The following MGAT4C variants were observed in gnomAD, a reference collection of about 807,000 sequenced individuals.
The protein encoded by MGAT4C is MGAT4 family member C.
MGAT4C carries 19 observed loss-of-function variants against 40.1 expected under a neutral mutation model. That is an observed-to-expected ratio of 0.47 (90% CI 0.33 to 0.70). The LOEUF (loss-of-function observed/expected upper bound fraction) is 0.70, where lower values mean the gene tolerates loss of function less well. Among genes scored for constraint, MGAT4C ranks in the 30% least tolerant of loss-of-function variants. The pLI is 0.02. For missense variants in MGAT4C, 491 were observed against 563.2 expected, an observed-to-expected ratio of 0.87 and a Z score of 1.30; for synonymous variants, 181 against 187.1, an observed-to-expected ratio of 0.97 and a Z score of 0.27.
At chr12:86,415,988 G>C (rs747536073) in intron 3 of MGAT4C, among the ~76,000 whole-genome samples, 14 of 151,980 alleles carry the variant, frequency 9.2e-5, no homozygotes, top group African/African-American at 3.1e-4. Context: ...AGCCTAGAAA[G>C]AGAATGTCAT....
intron 1 of MGAT4C, among the ~76,000 whole-genome samples, chr12:86,158,035 G>T (rs528125021): frequency 9.9e-5 from 15 of 152,170 alleles, no homozygotes; most frequent in African/African-American, 3.1e-4. Flanking sequence ...AAATCATATT[G>T]CCCAAATGAA....
intron 2 of MGAT4C, among the ~76,000 whole-genome samples, chr12:86,012,619 G>T (rs1888578822): frequency 6.6e-6 from 1 of 152,128 alleles, no homozygotes; most frequent in Non-Finnish European, 1.5e-5. Flanking sequence ...AGGAGTGGTG[G>T]TGGGCGCCTG....
chr12:86,801,372 A>C (rs569530961), intron 1 of MGAT4C, among the ~76,000 whole-genome samples: 2 of 152,010 alleles, frequency 1.3e-5, no homozygotes, highest in African/African-American at 4.8e-5. Context: ...TTACCAATGT[A>C]TGGACTGAAT....
chr12:86,369,547 A>C (rs1320257942), intron 3 of MGAT4C, among the ~76,000 whole-genome samples: 3 of 151,992 alleles, frequency 2.0e-5, no homozygotes, highest in African/African-American at 4.8e-5. Context: ...AAAATTGCTT[A>C]TAGTTATAAC....
At chr12:86,589,936 C>A (rs2136446929) in intron 2 of MGAT4C, among the ~76,000 whole-genome samples, 1 of 151,994 alleles carries the variant, frequency 6.6e-6, no homozygotes, top group East Asian at 1.9e-4. Context: ...TTCTGCGTTT[C>A]ATTATTCAAA....
At chr12:86,465,103 G>A (rs1957660807) in intron 2 of MGAT4C, among the ~76,000 whole-genome samples, 2 of 151,994 alleles carry the variant, frequency 1.3e-5, no homozygotes, top group Admixed American at 1.3e-4. Flanking sequence ...TTCTGTTTTA[G>A]TGGCCTGTAC....
intron 2 of MGAT4C, among the ~76,000 whole-genome samples, chr12:86,611,192 T>A (rs75397764): frequency 6.6e-6 from 1 of 151,874 alleles, no homozygotes; most frequent in African/African-American, 2.4e-5. Flanking sequence ...TACAAAAATT[T>A]TAAAGGATAG....
chr12:86,561,728 A>G (rs1959871969), intron 2 of MGAT4C, among the ~76,000 whole-genome samples: 1 of 152,182 alleles, frequency 6.6e-6, no homozygotes, highest in Non-Finnish European at 1.5e-5. Context: ...ATGCTCCTCA[A>G]TAAATTCCCC....
At chr12:86,606,506 A>G (rs1962052002) in intron 2 of MGAT4C, among the ~76,000 whole-genome samples, 1 of 152,150 alleles carries the variant, frequency 6.6e-6, no homozygotes, top group Non-Finnish European at 1.5e-5. Flanking sequence ...ATAAAGTACC[A>G]GACATTTGGG....
chr12:86,244,988 A>G (rs547427499), intron 1 of MGAT4C, among the ~76,000 whole-genome samples: 4 of 152,276 alleles, frequency 2.6e-5, no homozygotes, highest in African/African-American at 9.6e-5. Flanking sequence ...CCCACTGATG[A>G]GGCAACTGGG....
At chr12:86,810,445 T>C (rs1399222435) in intron 1 of MGAT4C, among the ~76,000 whole-genome samples, 1 of 152,002 alleles carries the variant, frequency 6.6e-6, no homozygotes, top group Non-Finnish European at 1.5e-5. Context: ...TCTTTCACCA[T>C]AAAGAATTAT....
At chr12:86,623,602 G>GTCAAAAATATCTT (rs1271783927) in intron 2 of MGAT4C, among the ~76,000 whole-genome samples, 3 of 152,008 alleles carry the variant, frequency 2.0e-5, no homozygotes, top group African/African-American at 4.8e-5. Flanking sequence ...TCTATATCAA[G>GTCAAAAATATCTT]TCAAAAATAT....
In MGAT4C at chr12:86,659,592, A is replaced by G. The variant is rs143685170; in HGVS notation, c.-229+67617T>C. ...AATGAAGGGTAGGATAGTAAGAGGAAAACTAAATAACAAATGTAAGAAGCA... is the reference window on the plus strand; with the variant it reads ...AATGAAGGGTAGGATAGTAAGAGGAGAACTAAATAACAAATGTAAGAAGCA... On this transcript the variant is annotated intron_variant, in intron 2 of 7. Coordinates refer to the MGAT4C transcript ENST00000548651. Among the ~76,000 whole-genome samples the G allele has an allele frequency of 2.5e-3, 384 of 152,206 alleles. 4 individuals are homozygous for G. The highest frequency in any genetic ancestry group is 0.017 in the Middle Eastern group (5 of 294).
intron 2 of MGAT4C, among the ~76,000 whole-genome samples, chr12:86,490,331 T>C (rs1245104735): frequency 3.3e-5 from 5 of 151,892 alleles, no homozygotes; most frequent in Admixed American, 6.6e-5. Flanking sequence ...CTAAGCTTCA[T>C]AAGTGAAGGA....
intron 2 of MGAT4C, among the ~76,000 whole-genome samples, chr12:86,492,002 A>G (rs904082551): frequency 7.2e-5 from 11 of 152,140 alleles, no homozygotes; most frequent in African/African-American, 2.7e-4. Context: ...TACACCAATA[A>G]CAGACAAACA....
chr12:86,508,227 GT>G (rs1473202655), intron 2 of MGAT4C, among the ~76,000 whole-genome samples: 9 of 151,554 alleles, frequency 5.9e-5, no homozygotes. Context: ...CCATACGACA[GT>G]CCCCAGAGCG....
In MGAT4C at chr12:86,062,214, T is replaced by C. The variant is rs114019896; in HGVS notation, c.-56-12491A>G. 7.6e-3 allele frequency among the ~76,000 whole-genome samples: 1,151 copies of C among 152,276 alleles called. 12 individuals are homozygous for C. Among genetic ancestry groups the C allele is most frequent in the African/African-American group, 0.026 (1,071 of 41,568 alleles). On this transcript the variant is annotated intron_variant, in intron 1 of 4. Coordinates refer to ENST00000611864, the MANE Select transcript of MGAT4C (RefSeq NM_001351288.2). ...ATCTTTGCTATTCTGCAGCCACCGC[T>C]GGTGATACCCCGGCAAACACGGTCT...
chr12:86,633,815 C>A (rs181820880), intron 2 of MGAT4C, among the ~76,000 whole-genome samples: 88 of 152,150 alleles, frequency 5.8e-4, no homozygotes, highest in African/African-American at 1.9e-3. Context: ...TCTAGGAGTT[C>A]ATCTGAGAAA....
intron 1 of MGAT4C, among the ~76,000 whole-genome samples, chr12:86,059,138 A>C (rs990971922): frequency 6.6e-6 from 1 of 152,084 alleles, no homozygotes; most frequent in Non-Finnish European, 1.5e-5. Context: ...TCCACCTCCC[A>C]GGTTCAGGCA....
Sources: allele counts gnomAD v4.1 joint callset (sites outside exome capture counted in the v4.1 genomes callset), GRCh38; gene constraint gnomAD v4.1.1; transcripts MANE v1.5; gene names NCBI Gene and HGNC (gene_info 2026-07-23, HGNC 2026-07-21).